The following ADAM28 variants were observed in gnomAD, a reference collection of about 807,000 sequenced individuals.
ADAM28 encodes disintegrin and metalloproteinase domain-containing protein 28.
Under a neutral mutation model 101.2 loss-of-function variants are expected in ADAM28, and 105 were observed. The observed-to-expected ratio is 1.04, with a 90% CI of 0.89 to 1.22. The LOEUF (loss-of-function observed/expected upper bound fraction) is 1.22, where lower values mean the gene tolerates loss of function less well. ADAM28 is among the 50% of genes most tolerant of loss of function. The pLI, the probability that ADAM28 is intolerant of heterozygous loss-of-function variation, is 0.00. For missense variants in ADAM28, 1,028 were observed against 945.4 expected (o/e 1.09, Z -1.15); for synonymous variants, 322 against 310.6 (o/e 1.04, Z -0.39).
chr8:24,302,880 ATT>A (rs1808995740), intron 2 of ADAM28, among the ~76,000 whole-genome samples: 1 of 149,544 alleles, frequency 6.7e-6, no homozygotes, highest in Non-Finnish European at 1.5e-5. Flanking sequence ...TTAACTCATC[ATT>A]TACATTAGGT....
intron 2 of ADAM28, chr8:24,308,773 G>T (rs978037331): frequency 4.4e-6 from 2 of 449,890 alleles, no homozygotes; most frequent in African/African-American, 4.0e-5. Flanking sequence ...AGCAAAGTAT[G>T]GACTGTAAGA....
At chr8:24,322,822 C>CT (rs1812059636) in intron 8 of ADAM28, among the ~76,000 whole-genome samples, 1 of 151,896 alleles carries the variant, frequency 6.6e-6, no homozygotes, top group South Asian at 2.1e-4. Flanking sequence ...ATTTAAGTTT[C>CT]TTAGCAGAAA....
intron 8 of ADAM28, chr8:24,322,585 T>G (rs149847875): frequency 6.6e-6 from 1 of 152,120 alleles, no homozygotes; most frequent in Non-Finnish European, 1.5e-5. Flanking sequence ...AACAATGTGT[T>G]TTCCCCTGTG....
Position 24,341,556 on chromosome 8 carries a change from C to T in ADAM28, c.1671-42C>T, listed in dbSNP as rs374064488. 64 of 1,591,522 alleles carry T rather than the reference C, an allele frequency of 4.0e-5. No individual in the cohort carries two copies. The African/African-American group carries it at 6.5e-4, about 16-fold the overall frequency. ...ATAGTCCTAGAGCATTTATGTAAAA[C>T]TGCAATTTGAATCCTGCAATACATT... On this transcript the variant is annotated intron_variant, in intron 15 of 22. Transcript: ENST00000265769.
intron 1 of ADAM28, among the ~76,000 whole-genome samples, chr8:24,298,543 T>C (rs946848441): frequency 6.6e-6 from 1 of 152,188 alleles, no homozygotes; most frequent in Non-Finnish European, 1.5e-5. Context: ...GGAATAATAC[T>C]TATTAAGTGC....
At position 24,335,455 on chromosome 8, in the gene ADAM28, G is replaced by C. The variant is rs755343426; in HGVS notation, c.1381G>C (p.Ala461Pro). 1.2e-6 allele frequency: 2 copies of C among 1,610,956 alleles called. No individual in the cohort carries two copies. The highest frequency in any genetic ancestry group is 1.7e-6 in the Non-Finnish European group (2 of 1,178,560). ...ECCEKCQFKKAGMVCRPAKDE... is the reference protein window; with the variant it reads ...ECCEKCQFKKPGMVCRPAKDE... ...TTTTGTTTTTCTACAGTTTAAAAAG[G>C]CTGGGATGGTGTGCAGACCAGCAAA... The change falls in exon 14 of 23, where the codon GCT becomes CCT. Residue 461 changes from alanine to proline, a missense_variant. Physicochemically the swap from Ala to Pro is conservative, Grantham distance 27 (BLOSUM62 -1). Coordinates refer to ENST00000265769, the MANE Select transcript of ADAM28 (RefSeq NM_014265.6).
chr8:24,352,094 T>G (rs1156286645), intron 21 of ADAM28, 42 bp downstream of exon 21: 1 of 1,559,766 alleles, frequency 6.4e-7, no homozygotes, highest in Non-Finnish European at 8.8e-7. Context: ...TAGTTCAATC[T>G]CCAGGAAATA....
intron 6 of ADAM28, among the ~76,000 whole-genome samples, chr8:24,314,563 G>A (rs1006113106): frequency 6.6e-6 from 1 of 151,782 alleles, no homozygotes; most frequent in Non-Finnish European, 1.5e-5. Context: ...GGGTATAATT[G>A]GTCTAAATAA....
Position 24,294,089 on chromosome 8 carries a change from A to G in ADAM28, c.-61A>G, listed in dbSNP as rs577627356. On this transcript the variant is annotated 5_prime_UTR_variant, in exon 1 of 23. Coordinates refer to ENST00000265769, the MANE Select transcript of ADAM28 (RefSeq NM_014265.6). ...GTCTCACTGGAGAGGAGGCAGGGACAGACCCAGCAGCACCCACCTGAGCGA... is the reference window on the plus strand; with the variant it reads ...GTCTCACTGGAGAGGAGGCAGGGACGGACCCAGCAGCACCCACCTGAGCGA... The G allele has an allele frequency of 6.3e-6, 10 of 1,577,202 alleles. No individual in the cohort carries two copies. In the East Asian group the frequency reaches 2.0e-4, roughly 32 times the overall value.
chr8:24,339,665 C>A, intron 15 of ADAM28, 97 bp downstream of exon 15: 1 of 1,038,318 alleles, frequency 9.6e-7, no homozygotes, highest in Non-Finnish European at 1.4e-6. Flanking sequence ...AGGGAAAGTG[C>A]ATTTGGTCAT....
intron 2 of ADAM28, among the ~76,000 whole-genome samples, chr8:24,304,767 G>A (rs1809317675): frequency 6.6e-6 from 1 of 151,764 alleles, no homozygotes; most frequent in African/African-American, 2.4e-5. Context: ...TAAGGAGGCT[G>A]AGGCAGGAGA....
intron 12 of ADAM28, among the ~76,000 whole-genome samples, chr8:24,331,713 C>A (rs964870695): frequency 1.3e-5 from 2 of 152,114 alleles, no homozygotes; most frequent in Non-Finnish European, 2.9e-5. Context: ...GGTCACTGGG[C>A]TGGCAAATGG....
chr8:24,343,618 T>C (rs1815056409), intron 18 of ADAM28, 34 bp downstream of exon 18: 10 of 1,590,124 alleles, frequency 6.3e-6, no homozygotes, highest in African/African-American at 1.3e-5. Flanking sequence ...CTGAGAAAAT[T>C]GCTCTCCTCT....
At position 24,310,182 on chromosome 8, in the gene ADAM28, T is replaced by A; in HGVS notation, c.247T>A (p.Tyr83Asn). 1 of 1,613,458 alleles carries A rather than the reference T, an allele frequency of 6.2e-7. No individual in the cohort carries two copies. Among genetic ancestry groups the A allele is most frequent in the Non-Finnish European group, 8.5e-7 (1 of 1,179,624 alleles). Residue 83 changes from tyrosine to asparagine, a missense_variant, in exon 4 of 23, where the codon TAC becomes AAC. Tyr to Asn is a moderately radical substitution (Grantham distance 143). Coordinates refer to ENST00000265769, the MANE Select transcript of ADAM28 (RefSeq NM_014265.6). ...KKNKNLLAPG[Y>N]TETYYNSTGK... The stretch of plus-strand genomic sequence containing the variant: ...CTCCAGGAACCTCCTTGCACCAGGC[T>A]ACACGGAAACATATTATAATTCCAC...
Position 24,358,740 on chromosome 8 carries a change from A to C in ADAM28, c.*4336A>C, listed in dbSNP as rs1585782833. The C allele has an allele frequency of 6.6e-6, 1 of 152,206 alleles. No homozygotes were observed. The highest frequency in any genetic ancestry group is 2.4e-5 in the African/African-American group (1 of 41,448). The allele number at this position is 152,206 out of a possible 1,614,324, so 9.4% of individuals were successfully genotyped here. A position where few individuals can be genotyped will look rare whatever the true frequency, so the allele number is the denominator to read the frequency against. On this transcript the variant is annotated 3_prime_UTR_variant, in exon 23 of 23. Coordinates refer to ENST00000265769, the MANE Select transcript of ADAM28 (RefSeq NM_014265.6). ...GTTAGTAGTATGCTAAGCGAATACT[A>C]TTGTTATAAAAAAAATCCTAAGCAT...
At chr8:24,329,807 A>G (rs544253724) in intron 10 of ADAM28, among the ~76,000 whole-genome samples, 178 bp from the exon 11 acceptor site, 28 of 151,404 alleles carry the variant, frequency 1.8e-4, no homozygotes, top group Admixed American at 1.8e-3. Context: ...ATATGCTGTG[A>G]TGGGCATTCA....
chr8:24,339,334 G>C, intron 14 of ADAM28, 132 bp from the exon 15 acceptor site: 1 of 672,122 alleles, frequency 1.5e-6, no homozygotes, highest in Non-Finnish European at 2.5e-6. Context: ...TGCTAAAATA[G>C]TATTTTTCTT....
intron 2 of ADAM28, among the ~76,000 whole-genome samples, chr8:24,304,053 G>A (rs189095599): frequency 3.0e-4 from 46 of 151,454 alleles, no homozygotes; most frequent in African/African-American, 1.0e-3. Context: ...ACACATGCAC[G>A]TGCACACCAA....
chr8:24,328,630 A>T (rs1197532531), intron 10 of ADAM28, among the ~76,000 whole-genome samples: 2 of 152,064 alleles, frequency 1.3e-5, no homozygotes, highest in Non-Finnish European at 2.9e-5. Flanking sequence ...ATGAATATTA[A>T]CATAGTCAGG....
Sources: allele counts gnomAD v4.1 joint callset (sites outside exome capture counted in the v4.1 genomes callset), GRCh38; gene constraint gnomAD v4.1.1; transcripts MANE v1.5; gene names NCBI Gene and HGNC (gene_info 2026-07-23, HGNC 2026-07-21).